CSMD1: variants seen among roughly 807,000 people sequenced by gnomAD.
CSMD1 encodes CUB and sushi domain-containing protein 1.
CSMD1 carries 213 observed loss-of-function variants against 417.5 expected under a neutral mutation model. The ratio of observed to expected loss-of-function variants is 0.51; its 90% CI spans 0.46 to 0.57. The LOEUF (loss-of-function observed/expected upper bound fraction) is 0.57. CSMD1 is among the 20% of genes least tolerant of loss of function. CSMD1 has a pLI of 0.00. For synonymous variants in CSMD1, 2,862 were observed against 1,736.8 expected, an observed-to-expected ratio of 1.65 and a Z score of -16.11; for missense variants, 6,923 against 4,529.7, an observed-to-expected ratio of 1.53 and a Z score of -15.17.
chr8:4,084,360 A>T (rs574175682), intron 3 of CSMD1, among the ~76,000 whole-genome samples: 129 of 152,232 alleles, frequency 8.5e-4, no homozygotes, highest in African/African-American at 3.1e-3. Flanking sequence ...TACAACCATA[A>T]ATGCAATCTA....
chr8:4,292,556 C>A (rs779912516), intron 3 of CSMD1, among the ~76,000 whole-genome samples: 3 of 152,058 alleles, frequency 2.0e-5, no homozygotes, highest in Non-Finnish European at 4.4e-5. Context: ...CGTGCCCGCC[C>A]GAATTTTTTA....
At chr8:3,809,314 T>C (rs950328176) in intron 5 of CSMD1, among the ~76,000 whole-genome samples, 3 of 152,200 alleles carry the variant, frequency 2.0e-5, no homozygotes, top group Non-Finnish European at 4.4e-5. Context: ...TTGAAAGTTC[T>C]TGTTCACGAT....
At position 3,052,579 on chromosome 8, in the gene CSMD1, T is replaced by A. The variant is rs573086063; in HGVS notation, c.7543A>T (p.Ser2515Cys). 6.2e-7 allele frequency: 1 copy of A among 1,611,604 alleles called. No individual in the cohort carries two copies. The highest frequency in any genetic ancestry group is 1.1e-5 in the South Asian group (1 of 90,292). Reference sequence around the variant, plus strand: ...TCATGACATTCATAGACCACTTTACTGTCCAAAGTGAACTCGTTCCCGGTA... The same window carrying A: ...TCATGACATTCATAGACCACTTTACAGTCCAAAGTGAACTCGTTCCCGGTA... ...SFTGNEFTLD[S>C]KVVYECHEGF... Residue 2515 changes from serine to cysteine, a missense_variant, in exon 50 of 70, where the codon AGT (serine) becomes TGT (cysteine). Ser to Cys is a moderately radical substitution (Grantham distance 112). Coordinates refer to ENST00000635120, the MANE Select transcript of CSMD1 (RefSeq NM_033225.6).
chr8:4,637,676 T>TCGC, intron 1 of CSMD1, 118 bp from the exon 2 acceptor site: 1 of 530,362 alleles, frequency 1.9e-6, no homozygotes, highest in East Asian at 3.6e-5. Context: ...TTTTTTTTTT[T>TCGC]TTTTTGAGAC....
intron 11 of CSMD1, among the ~76,000 whole-genome samples, chr8:3,473,531 T>C (rs59165258): frequency 6.6e-6 from 1 of 152,070 alleles, no homozygotes; most frequent in Non-Finnish European, 1.5e-5. Flanking sequence ...AACACTGAGA[T>C]ATTATTTCTT....
At chr8:4,413,139 C>T (rs13276921) in intron 3 of CSMD1, among the ~76,000 whole-genome samples, 7,911 of 152,206 alleles carry the variant, frequency 0.052, 250 homozygotes, top group Middle Eastern at 0.085. Flanking sequence ...AGAATATGGA[C>T]AGTCTCACAG....
intron 2 of CSMD1, among the ~76,000 whole-genome samples, chr8:4,537,069 G>C (rs934331603): frequency 2.6e-5 from 4 of 152,048 alleles, no homozygotes; most frequent in Non-Finnish European, 2.9e-5. Flanking sequence ...GACAATCAAA[G>C]ACAGAAAATT....
chr8:3,198,693 A>C (rs1796832733), intron 33 of CSMD1, among the ~76,000 whole-genome samples: 1 of 152,174 alleles, frequency 6.6e-6, no homozygotes, highest in Admixed American at 6.5e-5. Flanking sequence ...TGAAGTCATG[A>C]ATTTCCCAAT....
At position 3,741,747 on chromosome 8, in the gene CSMD1, C is replaced by A. The variant is rs576290508; in HGVS notation, c.931+12183G>T. On this transcript the variant is annotated intron_variant, in intron 6 of 69. Transcript: ENST00000635120. ...TCTTACTGAGAAAGAAGAAAATACC[C>A]AGTGGTGGTTGAATTTATTTGTGGG... Among the ~76,000 whole-genome samples, 52 of 152,222 alleles carry A rather than the reference C, an allele frequency of 3.4e-4. No individual in the cohort carries two copies. The South Asian group carries it at 0.011, about 31-fold the overall frequency.
intron 7 of CSMD1, among the ~76,000 whole-genome samples, chr8:3,619,867 T>C (rs1809448): frequency 0.55 from 83,698 of 151,940 alleles, 22,746 homozygotes; most frequent in Middle Eastern, 0.64. Flanking sequence ...TTTGGGAGGC[T>C]GAGGTGGGTG....
intron 12 of CSMD1, among the ~76,000 whole-genome samples, chr8:3,466,333 G>A (rs1816789358): frequency 6.6e-6 from 1 of 152,036 alleles, no homozygotes; most frequent in South Asian, 2.1e-4. Context: ...AACACTAGAT[G>A]TTAGTGAAAA....
intron 12 of CSMD1, among the ~76,000 whole-genome samples, chr8:3,415,722 A>C (rs966524044): frequency 1.3e-5 from 2 of 152,176 alleles, no homozygotes; most frequent in Non-Finnish European, 2.9e-5. Flanking sequence ...GATTTTATAT[A>C]TTCTGGAGAA....
chr8:3,058,734 C>G (rs547721825), intron 49 of CSMD1, among the ~76,000 whole-genome samples: 1 of 151,914 alleles, frequency 6.6e-6, no homozygotes, highest in African/African-American at 2.4e-5. Context: ...TGCGTGGTCT[C>G]GGAGGAGCAA....
At chr8:4,887,113 G>A (rs1306526946) in intron 1 of CSMD1, among the ~76,000 whole-genome samples, 1 of 151,960 alleles carries the variant, frequency 6.6e-6, no homozygotes, top group Non-Finnish European at 1.5e-5. Flanking sequence ...AACATTTACA[G>A]CTATAAATAT....
intron 1 of CSMD1, among the ~76,000 whole-genome samples, chr8:4,953,234 T>C (rs1050897955): frequency 1.5e-4 from 23 of 152,144 alleles, no homozygotes; most frequent in Non-Finnish European, 4.4e-5. Context: ...TTGCTGAAAA[T>C]TTTCCAGCCT....
intron 5 of CSMD1, among the ~76,000 whole-genome samples, chr8:3,928,910 G>A (rs536672546): frequency 6.7e-6 from 1 of 149,600 alleles, no homozygotes; most frequent in South Asian, 2.2e-4. Flanking sequence ...CTTTCTTTTC[G>A]TATACCTGGA....
chr8:4,457,678 C>T (rs537629654), intron 2 of CSMD1, among the ~76,000 whole-genome samples: 3 of 152,228 alleles, frequency 2.0e-5, no homozygotes, highest in South Asian at 2.1e-4. Context: ...CAATGAAGAG[C>T]ACTAGAGGTT....
intron 5 of CSMD1, among the ~76,000 whole-genome samples, chr8:3,898,294 T>C (rs749815137): frequency 6.6e-6 from 1 of 152,138 alleles, no homozygotes; most frequent in Non-Finnish European, 1.5e-5. Context: ...AAACCCAACA[T>C]TTGAACAATT....
chr8:3,349,023 G>GAGCT (rs1363489942), intron 21 of CSMD1, among the ~76,000 whole-genome samples: 7 of 152,160 alleles, frequency 4.6e-5, no homozygotes, highest in African/African-American at 1.7e-4. Flanking sequence ...TGTGCCAAGA[G>GAGCT]AGCTCCACAG....
Sources: allele counts gnomAD v4.1 joint callset (sites outside exome capture counted in the v4.1 genomes callset), GRCh38; gene constraint gnomAD v4.1.1; transcripts MANE v1.5; gene names NCBI Gene and HGNC (gene_info 2026-07-23, HGNC 2026-07-21).